PITPNC1: variants seen among roughly 807,000 people sequenced by gnomAD.
PITPNC1 encodes phosphatidylinositol transfer protein cytoplasmic 1.
PITPNC1 carries 18 observed loss-of-function variants against 44.7 expected under a neutral mutation model. That is an observed-to-expected ratio of 0.40 (90% CI 0.28 to 0.60). The LOEUF (loss-of-function observed/expected upper bound fraction) is 0.60, where lower values mean the gene tolerates loss of function less well. PITPNC1 is among the 20% of genes least tolerant of loss of function. The pLI, the probability that PITPNC1 is intolerant of heterozygous loss-of-function variation, is 0.39. For synonymous variants in PITPNC1, 141 were observed against 149.6 expected (o/e 0.94, Z 0.42); for missense variants, 290 against 418.4 (o/e 0.69, Z 2.68).
intron 1 of PITPNC1, among the ~76,000 whole-genome samples, chr17:67,403,315 A>T (rs1338641891): frequency 6.6e-6 from 1 of 151,636 alleles, no homozygotes; most frequent in East Asian, 1.9e-4. Flanking sequence ...AATTATATTC[A>T]TAAGGCTAAA....
At chr17:67,543,131 C>A (rs7223624) in intron 2 of PITPNC1, among the ~76,000 whole-genome samples, 14,713 of 152,172 alleles carry the variant, frequency 0.097, 701 homozygotes, top group Non-Finnish European at 0.11. Context: ...CCCTCAGGAT[C>A]ATCTGGAGGC....
chr17:67,378,232 C>G lies in PITPNC1; in HGVS notation c.48+30C>G, dbSNP rs760148613. Reference sequence around the variant, plus strand: ...GCGCCGCGCCCGGCCCGGCCTCGCCCGCTCCGGGACCCCCGCCGCTACCGC... The same window carrying G: ...GCGCCGCGCCCGGCCCGGCCTCGCCGGCTCCGGGACCCCCGCCGCTACCGC... On this transcript the variant is annotated intron_variant, in intron 1 of 8. Transcript: ENST00000581322. 246 of 1,429,764 alleles carry G rather than the reference C, an allele frequency of 1.7e-4. 5 individuals carry two copies. The South Asian group carries it at 3.3e-3, about 19-fold the overall frequency. 88.6% of individuals were successfully genotyped at this position (1,429,764 alleles called of 1,614,324 possible).
At chr17:67,442,453 G>T (rs371941107) in intron 1 of PITPNC1, among the ~76,000 whole-genome samples, 1 of 151,102 alleles carries the variant, frequency 6.6e-6, no homozygotes, top group African/African-American at 2.4e-5. Context: ...GGGGAAGAAG[G>T]CAGGGCCCTA....
intron 6 of PITPNC1, among the ~76,000 whole-genome samples, chr17:67,661,324 T>C (rs2144386428): frequency 6.6e-6 from 1 of 152,200 alleles, no homozygotes; most frequent in African/African-American, 2.4e-5. Context: ...CTTACTCCCT[T>C]CAGATACTTA....
chr17:67,428,846 T>G lies in PITPNC1; in HGVS notation c.48+50644T>G, dbSNP rs1476567133. Reference sequence around the variant, plus strand: ...TTTTTTCTACTTGTCTTGCTTTTTTTTTTTTTTTTTTTGAGACGGAGTCTC... The same window carrying G: ...TTTTTTCTACTTGTCTTGCTTTTTTGTTTTTTTTTTTTGAGACGGAGTCTC... On this transcript the variant is annotated intron_variant, in intron 1 of 8. Transcript: ENST00000581322. Among the ~76,000 whole-genome samples the G allele has an allele frequency of 2.9e-3, 426 of 146,350 alleles. 1 individual carries two copies. Among genetic ancestry groups the G allele is most frequent in the African/African-American group, 0.01 (415 of 40,138 alleles).
At chr17:67,643,701 C>T (rs2042115583) in intron 6 of PITPNC1, among the ~76,000 whole-genome samples, 1 of 152,184 alleles carries the variant, frequency 6.6e-6, no homozygotes, top group South Asian at 2.1e-4. Flanking sequence ...CCCTCCCTTC[C>T]AAAGAATGGA....
At chr17:67,379,076 CTT>C (rs2143771108) in intron 1 of PITPNC1, 1 of 985,916 alleles carries the variant, frequency 1.0e-6, no homozygotes, top group East Asian at 1.1e-4. Flanking sequence ...GCTTCCCTTT[CTT>C]CCCCTTCTTC....
rs540758363 is a variant in PITPNC1 at position 67,602,850 on chromosome 17, C to T, written c.366+24593C>T. 3.9e-5 allele frequency among the ~76,000 whole-genome samples: 6 copies of T among 152,260 alleles called. 1 individual carries two copies. In the South Asian group the frequency reaches 1.2e-3, roughly 32 times the overall value. On this transcript the variant is annotated intron_variant, in intron 5 of 8. Transcript: ENST00000581322. Reference sequence around the variant, plus strand: ...CTCCTGGACTCAGGTGATCCTCCTACCTCAGTCTCCCAAGTAGCTGGAACT... The same window carrying T: ...CTCCTGGACTCAGGTGATCCTCCTATCTCAGTCTCCCAAGTAGCTGGAACT...
chr17:67,599,001 CATATATATATAT>C (rs1172990089), intron 5 of PITPNC1, among the ~76,000 whole-genome samples: 8,402 of 45,160 alleles, frequency 0.19, 1,130 homozygotes, highest in Middle Eastern at 0.4. Flanking sequence ...ATAAGAAATA[CATATATATATAT>C]ATATATATAT....
chr17:67,473,431 C>T (rs949072578), intron 1 of PITPNC1, among the ~76,000 whole-genome samples: 4 of 151,912 alleles, frequency 2.6e-5, no homozygotes, highest in Non-Finnish European at 4.4e-5. Flanking sequence ...TGGGTTCACG[C>T]CATTCTCCTG....
At chr17:67,670,750 CAAA>C (rs61094990) in intron 7 of PITPNC1, among the ~76,000 whole-genome samples, 5 of 60,510 alleles carry the variant, frequency 8.3e-5, no homozygotes, top group South Asian at 1.3e-3. Flanking sequence ...GACTCCATCT[CAAA>C]AAAAAAAAAA....
intron 5 of PITPNC1, among the ~76,000 whole-genome samples, chr17:67,583,207 CTGA>C (rs1277473351): frequency 2.0e-5 from 3 of 152,154 alleles, no homozygotes; most frequent in Non-Finnish European, 4.4e-5. Context: ...GAGGCTGAAC[CTGA>C]TATGTTCCCT....
chr17:67,650,179 T>G (rs1403799232), intron 6 of PITPNC1, among the ~76,000 whole-genome samples: 1 of 151,824 alleles, frequency 6.6e-6, no homozygotes, highest in Non-Finnish European at 1.5e-5. Context: ...ATTCCAGGAG[T>G]TTTTGGAGCA....
At chr17:67,522,510 CATA>C (rs1174180239) in intron 1 of PITPNC1, among the ~76,000 whole-genome samples, 1 of 152,008 alleles carries the variant, frequency 6.6e-6, no homozygotes, top group Non-Finnish European at 1.5e-5. Flanking sequence ...AAAATTATTT[CATA>C]ATAAACTTTA....
rs932458873 is a variant in PITPNC1, at chr17:67,676,477, C to A, written c.682+935C>A. Among the ~76,000 whole-genome samples, 15 of 152,138 alleles carry A rather than the reference C, an allele frequency of 9.9e-5. No individual in the cohort carries two copies. The highest frequency in any genetic ancestry group is 3.4e-4 in the African/African-American group (14 of 41,444). On this transcript the variant is annotated intron_variant, in intron 8 of 8. Coordinates refer to ENST00000581322, the MANE Select transcript of PITPNC1 (RefSeq NM_012417.4). This position sits in a 1 kb window ranked among gnomAD's most constrained non-coding sequence, Gnocchi z 4.0. ...TGTCCACATGAATTTTCTGCACTCC[C>A]AGAATCAGTCATCAGATGGCTACCG...
chr17:67,453,904 G>C (rs1296631775), intron 1 of PITPNC1, among the ~76,000 whole-genome samples: 2 of 152,144 alleles, frequency 1.3e-5, no homozygotes, highest in Non-Finnish European at 2.9e-5. Context: ...GTACTGGCTT[G>C]ATTTGCCCTT....
At chr17:67,495,363 G>A (rs2039939166) in intron 1 of PITPNC1, among the ~76,000 whole-genome samples, 1 of 152,070 alleles carries the variant, frequency 6.6e-6, no homozygotes, top group African/African-American at 2.4e-5. Flanking sequence ...CGGCCTCTGA[G>A]CCACGGAGAT....
intron 2 of PITPNC1, among the ~76,000 whole-genome samples, chr17:67,537,799 G>A (rs1258977772): frequency 4.1e-5 from 5 of 120,578 alleles, no homozygotes; most frequent in South Asian, 2.8e-4. Flanking sequence ...GTGGAACCCC[G>A]TCTCTACTAA....
At chr17:67,465,177 T>G (rs771432028) in intron 1 of PITPNC1, among the ~76,000 whole-genome samples, 4 of 152,230 alleles carry the variant, frequency 2.6e-5, no homozygotes, top group African/African-American at 7.2e-5. Context: ...TGTATGTTGT[T>G]GAACATACAC....
Sources: allele counts gnomAD v4.1 joint callset (sites outside exome capture counted in the v4.1 genomes callset), GRCh38; gene constraint gnomAD v4.1.1; non-coding constraint Gnocchi (gnomAD v3.1); transcripts MANE v1.5; gene names NCBI Gene and HGNC (gene_info 2026-07-23, HGNC 2026-07-21).